The following CSMD1 variants were observed in gnomAD, a reference collection of about 807,000 sequenced individuals.
The protein encoded by CSMD1 is CUB and sushi domain-containing protein 1.
A neutral mutation model predicts 417.5 loss-of-function variants in CSMD1; 213 were observed. The ratio of observed to expected loss-of-function variants is 0.51; its 90% CI spans 0.46 to 0.57. The LOEUF (loss-of-function observed/expected upper bound fraction) is 0.57. Among genes scored for constraint, CSMD1 ranks in the 20% least tolerant of loss-of-function variants. The pLI, the probability that CSMD1 is intolerant of heterozygous loss-of-function variation, is 0.00. For synonymous variants in CSMD1, 2,862 were observed against 1,736.8 expected (o/e 1.65, Z -16.11); for missense variants, 6,923 against 4,529.7 (o/e 1.53, Z -15.17).
intron 3 of CSMD1, among the ~76,000 whole-genome samples, chr8:4,136,149 A>G (rs1425052728): frequency 6.6e-6 from 1 of 152,224 alleles, no homozygotes; most frequent in Non-Finnish European, 1.5e-5. Flanking sequence ...TGCTATAACT[A>G]TACTGTTTTC....
intron 1 of CSMD1, among the ~76,000 whole-genome samples, chr8:4,708,784 G>T (rs566539873): frequency 6.6e-6 from 1 of 152,212 alleles, no homozygotes; most frequent in African/African-American, 2.4e-5. Context: ...TTGGAGAGAA[G>T]ATTTTGTAAT....
At chr8:3,209,385 C>T (rs536107419) in intron 30 of CSMD1, among the ~76,000 whole-genome samples, 116 of 152,152 alleles carry the variant, frequency 7.6e-4, no homozygotes, top group African/African-American at 2.8e-3. Flanking sequence ...GGCGTGATCT[C>T]GGCTCACTGC....
At position 4,354,719 on chromosome 8, in the gene CSMD1, T is replaced by A. The variant is rs188439458; in HGVS notation, c.415+65234A>T. Among the ~76,000 whole-genome samples, 307 of 152,290 alleles carry A rather than the reference T, an allele frequency of 2.0e-3. 2 individuals are homozygous for A. Among genetic ancestry groups the A allele is most frequent in the African/African-American group, 7.0e-3 (290 of 41,554 alleles). ...ACCGTGTATATTTTTGAAACACTTGTATTTATAATGTAAGTGATGCAGGTG... is the reference window on the plus strand; with the variant it reads ...ACCGTGTATATTTTTGAAACACTTGAATTTATAATGTAAGTGATGCAGGTG... On this transcript the variant is annotated intron_variant, in intron 3 of 69. Coordinates refer to ENST00000635120, the MANE Select transcript of CSMD1 (RefSeq NM_033225.6).
chr8:3,917,342 T>C (rs1469572707), intron 5 of CSMD1, among the ~76,000 whole-genome samples: 3 of 152,036 alleles, frequency 2.0e-5, no homozygotes, highest in African/African-American at 7.2e-5. Context: ...GTTTTGCAAA[T>C]ATACAGTCCA....
intron 7 of CSMD1, among the ~76,000 whole-genome samples, chr8:3,655,266 G>C (rs960891719): frequency 1.3e-5 from 2 of 152,098 alleles, no homozygotes; most frequent in African/African-American, 4.8e-5. Context: ...AAGAATTTAA[G>C]ACCCATGAAC....
At chr8:3,499,471 G>A (rs1243194577) in intron 10 of CSMD1, among the ~76,000 whole-genome samples, 1 of 152,140 alleles carries the variant, frequency 6.6e-6, no homozygotes, top group East Asian at 1.9e-4. Flanking sequence ...GGGAGCATGT[G>A]TGAGCATTCA....
At chr8:3,228,422 A>AT (rs1798640452) in intron 27 of CSMD1, among the ~76,000 whole-genome samples, 1 of 152,194 alleles carries the variant, frequency 6.6e-6, no homozygotes, top group Admixed American at 6.5e-5. Context: ...TATATTTTCC[A>AT]TTTTTCTGTT....
intron 5 of CSMD1, among the ~76,000 whole-genome samples, chr8:3,819,469 T>A (rs1021930281): frequency 6.6e-6 from 1 of 152,060 alleles, no homozygotes. Flanking sequence ...TCACCTTCAA[T>A]CGTCGGTGGC....
rs1359557847 is a variant in CSMD1, at chr8:3,443,904, T to G, written c.1561+24808A>C. On this transcript the variant is annotated intron_variant, in intron 12 of 69. Transcript: ENST00000635120. ...CGTCTGTGTTGTAAGATACAGCAAC[T>G]GAGAAATTATGAGATATTCTAATTC... 4.6e-5 allele frequency among the ~76,000 whole-genome samples: 7 copies of G among 152,322 alleles called. No homozygotes were observed. The East Asian group carries it at 1.2e-3, about 25-fold the overall frequency.
intron 3 of CSMD1, among the ~76,000 whole-genome samples, chr8:4,218,375 T>C (rs1800811371): frequency 6.6e-6 from 1 of 152,358 alleles, no homozygotes; most frequent in African/African-American, 2.4e-5. Context: ...TCTAATGATT[T>C]TCTTTAAACT....
At chr8:3,036,635 C>T (rs1475765410) in intron 50 of CSMD1, among the ~76,000 whole-genome samples, 1 of 151,954 alleles carries the variant, frequency 6.6e-6, no homozygotes, top group Admixed American at 6.6e-5. Context: ...AGTTCTAGTA[C>T]CTTAGAAGCC....
chr8:4,379,839 G>A (rs1802990112), intron 3 of CSMD1, among the ~76,000 whole-genome samples: 1 of 152,204 alleles, frequency 6.6e-6, no homozygotes. Context: ...CTGAAAAAGT[G>A]ATCCCTGCTA....
At chr8:4,916,361 G>C (rs1245985309) in intron 1 of CSMD1, among the ~76,000 whole-genome samples, 1 of 152,174 alleles carries the variant, frequency 6.6e-6, no homozygotes, top group Admixed American at 6.5e-5. Context: ...AAAACCCTTT[G>C]AAAAAAGTAT....
chr8:3,660,370 C>A (rs909126923), intron 7 of CSMD1, among the ~76,000 whole-genome samples: 6 of 151,914 alleles, frequency 3.9e-5, no homozygotes, highest in Non-Finnish European at 7.4e-5. Context: ...TCCCAGGGAC[C>A]AGCACAGAAA....
At chr8:3,228,942 G>C (rs1283699684) in intron 27 of CSMD1, among the ~76,000 whole-genome samples, 1 of 152,046 alleles carries the variant, frequency 6.6e-6, no homozygotes, top group Non-Finnish European at 1.5e-5. Context: ...GCTCACAGAC[G>C]CTATGAAAAG....
At chr8:3,064,021 T>C (rs1812760227) in intron 49 of CSMD1, among the ~76,000 whole-genome samples, 1 of 152,184 alleles carries the variant, frequency 6.6e-6, no homozygotes, top group East Asian at 1.9e-4. Context: ...ATAGGGAACA[T>C]TAAGTCTTGC....
intron 3 of CSMD1, among the ~76,000 whole-genome samples, chr8:4,041,219 G>T (rs11136694): frequency 0.011 from 1,677 of 151,532 alleles, 33 homozygotes; most frequent in African/African-American, 0.038. Context: ...GGGTTTCACC[G>T]TGTTAGCCAG....
chr8:4,077,299 A>ATATG (rs1554439883), intron 3 of CSMD1, among the ~76,000 whole-genome samples: 1 of 66,124 alleles, frequency 1.5e-5, no homozygotes, highest in African/African-American at 4.2e-5. Context: ...ATATATGTGT[A>ATATG]TATATATATA....
chr8:4,873,757 C>G (rs957522639), intron 1 of CSMD1, among the ~76,000 whole-genome samples: 1 of 151,984 alleles, frequency 6.6e-6, no homozygotes, highest in Non-Finnish European at 1.5e-5. Context: ...ATATGTAGCA[C>G]CTATTTTATA....
Sources: allele counts gnomAD v4.1 joint callset (sites outside exome capture counted in the v4.1 genomes callset), GRCh38; gene constraint gnomAD v4.1.1; transcripts MANE v1.5; gene names NCBI Gene and HGNC (gene_info 2026-07-23, HGNC 2026-07-21).